PCDHA5: variants seen among roughly 807,000 people sequenced by gnomAD.
PCDHA5 encodes protocadherin alpha 5.
Under a neutral mutation model 61.6 loss-of-function variants are expected in PCDHA5, and 43 were observed. That is an observed-to-expected ratio of 0.70 (90% confidence interval 0.55 to 0.90). PCDHA5 has a LOEUF of 0.90. Ranked by LOEUF, PCDHA5 falls within the 40% of genes least tolerant of loss-of-function variation. The probability of loss-of-function intolerance (pLI) is 0.00; values close to 1 mark genes in which losing one functional copy is unlikely to be tolerated. For synonymous variants in PCDHA5, 627 were observed against 543.9 expected, an observed-to-expected ratio of 1.15 and a Z score of -2.13; for missense variants, 1,298 against 1,222.7, an observed-to-expected ratio of 1.06 and a Z score of -0.92.
In PCDHA5 at chr5:140,852,074, T is replaced by A. The variant is rs988130151; in HGVS notation, c.2352+27947T>A. On this transcript the variant is annotated intron_variant, in intron 1 of 3. Coordinates refer to ENST00000529859, the MANE Select transcript of PCDHA5 (RefSeq NM_018908.3). The stretch of plus-strand genomic sequence containing the variant: ...TTTATATTTTTCTTTCTCTTTCAGC[T>A]ATTTTATTTAATATTGTGTCAGATA... The A allele has an allele frequency of 1.4e-4, 130 of 903,068 alleles. 3 individuals carry two copies. Among genetic ancestry groups the A allele is most frequent in the Non-Finnish European group, 1.7e-4 (126 of 741,050 alleles). 55.9% of individuals were successfully genotyped at this position (903,068 alleles called of 1,614,324 possible).
chr5:140,852,779 T>C, intron 1 of PCDHA5: 1 of 979,786 alleles, frequency 1.0e-6, no homozygotes, highest in South Asian at 4.8e-5. Flanking sequence ...TTGATGTGAA[T>C]AGAGGGATGC....
At chr5:140,826,381 T>A (rs1768927089) in intron 1 of PCDHA5, among the ~76,000 whole-genome samples, 1 of 152,186 alleles carries the variant, frequency 6.6e-6, no homozygotes, top group Non-Finnish European at 1.5e-5. Flanking sequence ...AAGTCAGTGA[T>A]AAGAACTACT....
chr5:140,909,837 A>G (rs1385622846), intron 1 of PCDHA5, among the ~76,000 whole-genome samples: 3 of 152,190 alleles, frequency 2.0e-5, no homozygotes, highest in Non-Finnish European at 4.4e-5. Context: ...CTGGAGGACC[A>G]CCAGGACGTT....
intron 1 of PCDHA5, among the ~76,000 whole-genome samples, chr5:140,957,103 A>G (rs1207553042): frequency 6.6e-6 from 1 of 152,168 alleles, no homozygotes; most frequent in Non-Finnish European, 1.5e-5. Flanking sequence ...ATTGCTATGG[A>G]CATGATTCTG....
At chr5:140,969,593 T>C (rs2153780223) in intron 1 of PCDHA5, 1 of 829,524 alleles carries the variant, frequency 1.2e-6, no homozygotes, top group Non-Finnish European at 1.8e-6. Context: ...AGTCTTAATA[T>C]TTAATGCTAA....
At position 140,843,595 on chromosome 5, in the gene PCDHA5, G is replaced by GTT. The variant is rs1423829570; in HGVS notation, c.2352+19469_2352+19470insTT. On this transcript the variant is annotated intron_variant, in intron 1 of 3. Coordinates refer to ENST00000529859, the MANE Select transcript of PCDHA5 (RefSeq NM_018908.3). ...ACTCGCAACAACAGCCGCAGAGGGT[G>GTT]TGCTCTGGTGAGGGGCCACCGAAGA... The GTT allele has an allele frequency of 1.2e-5, 19 of 1,595,984 alleles. 3 individuals carry two copies. The highest frequency in any genetic ancestry group is 1.5e-5 in the Non-Finnish European group (18 of 1,165,530).
chr5:140,857,437 G>A (rs1554150030), intron 1 of PCDHA5: 2 of 1,598,552 alleles, frequency 1.3e-6, no homozygotes, highest in East Asian at 4.5e-5. Context: ...CGGTGTTCGT[G>A]AAGGAGAACA....
At chr5:140,860,253 G>C (rs1278193259) in intron 1 of PCDHA5, 1 of 151,492 alleles carries the variant, frequency 6.6e-6, no homozygotes, top group Non-Finnish European at 1.5e-5. Flanking sequence ...CATGCCTTTA[G>C]TCCCTACTGT....
Position 140,870,153 on chromosome 5 carries a change from C to T in PCDHA5, c.2352+46026C>T, listed in dbSNP as rs537593818. 3.1e-6 allele frequency: 5 copies of T among 1,613,972 alleles called. No individual in the cohort carries two copies. The East Asian group carries it at 8.9e-5, about 29-fold the overall frequency. On this transcript the variant is annotated intron_variant, in intron 1 of 3. Transcript: ENST00000529859. ...CCAACGATAACTCTCCTGAAGTCGC[C>T]GTGACTTCCTTGTCCCTCCCAGTAC...
intron 3 of PCDHA5, among the ~76,000 whole-genome samples, chr5:141,008,352 A>T (rs549122044): frequency 6.6e-6 from 1 of 152,204 alleles, no homozygotes; most frequent in Non-Finnish European, 1.5e-5. Flanking sequence ...TTCACGTGTC[A>T]ACCAAAGGAG....
intron 1 of PCDHA5, chr5:140,851,769 T>C: frequency 1.0e-6 from 1 of 967,128 alleles, no homozygotes; most frequent in Non-Finnish European, 1.2e-6. Flanking sequence ...ATTACCCTTA[T>C]GAATTTAGAT....
At chr5:140,927,630 A>C in intron 1 of PCDHA5, 1 of 1,614,182 alleles carries the variant, frequency 6.2e-7, no homozygotes, top group Non-Finnish European at 8.5e-7. Context: ...CAGAGACTGC[A>C]CCCAATGGGA....
chr5:140,882,357 A>G lies in PCDHA5; in HGVS notation c.2352+58230A>G, dbSNP rs1010659037. On this transcript the variant is annotated intron_variant, in intron 1 of 3. Transcript: ENST00000529859. Reference sequence around the variant, plus strand: ...GCAGCCTGGGAGACGGGTAGTGGCCAGCTCCACTACTCCGTCCCCGAGGAA... The same window carrying G: ...GCAGCCTGGGAGACGGGTAGTGGCCGGCTCCACTACTCCGTCCCCGAGGAA... 22 of 1,614,084 alleles carry G rather than the reference A, an allele frequency of 1.4e-5. No individual in the cohort carries two copies. In the Admixed American group the frequency reaches 2.5e-4, roughly 18 times the overall value.
rs140143048 is a variant in PCDHA5, at chr5:140,842,939, G to A, written c.2352+18812G>A. Reference sequence around the variant, plus strand: ...GCAGTTCCAGGTGAGCGCGCGCGACGCGGGCGTGCCGCCTCTGGGCAGCAA... The same window carrying A: ...GCAGTTCCAGGTGAGCGCGCGCGACACGGGCGTGCCGCCTCTGGGCAGCAA... On this transcript the variant is annotated intron_variant, in intron 1 of 3. Transcript: ENST00000529859. 5.6e-6 allele frequency: 9 copies of A among 1,594,456 alleles called. No individual in the cohort carries two copies. In the African/African-American group the frequency reaches 1.2e-4, roughly 21 times the overall value.
chr5:140,897,052 C>G (rs2065858358), intron 1 of PCDHA5, among the ~76,000 whole-genome samples: 1 of 152,114 alleles, frequency 6.6e-6, no homozygotes, highest in Non-Finnish European at 1.5e-5. Context: ...ATTCTGCTGT[C>G]AAATACTATG....
intron 1 of PCDHA5, among the ~76,000 whole-genome samples, chr5:140,950,852 A>G (rs1172997648): frequency 6.6e-6 from 1 of 151,856 alleles, no homozygotes; most frequent in Non-Finnish European, 1.5e-5. Flanking sequence ...CATTTCTTTC[A>G]TATTCTTGTA....
intron 2 of PCDHA5, among the ~76,000 whole-genome samples, chr5:140,979,831 A>G (rs1401761792): frequency 5.3e-5 from 8 of 152,236 alleles, no homozygotes; most frequent in African/African-American, 1.9e-4. Context: ...TTAAAGAAGA[A>G]ATAATCTTCA....
At chr5:140,862,533 G>C in intron 1 of PCDHA5, 1 of 435,668 alleles carries the variant, frequency 2.3e-6, no homozygotes, top group Non-Finnish European at 4.6e-6. Context: ...ACAGCCATCG[G>C]GTCCGTGGAA....
intron 1 of PCDHA5, chr5:140,842,622 C>T (rs2150340886): frequency 1.3e-6 from 2 of 1,579,180 alleles, no homozygotes; most frequent in East Asian, 2.2e-5. Flanking sequence ...GGCTCGCCTT[C>T]GCTGTGGGCC....
Sources: gnomAD v4.1 joint callset for allele counts (sites outside exome capture counted in the v4.1 genomes callset) on GRCh38, gnomAD v4.1.1 for gene constraint, MANE v1.5 for transcripts, NCBI Gene and HGNC (gene_info 2026-07-23, HGNC 2026-07-21) for gene names.